Variants in PEBP4 observed in about 807,000 individuals in gnomAD.
PEBP4 encodes the protein phosphatidylethanolamine binding protein 4.
PEBP4 carries 22 observed loss-of-function variants against 23.9 expected under a neutral mutation model. That is an observed-to-expected ratio of 0.92 (90% CI 0.66 to 1.31). The LOEUF is 1.31. Among genes scored for constraint, PEBP4 ranks in the 40% most tolerant of loss-of-function variants. The probability of loss-of-function intolerance (pLI) is 0.00; values close to 1 mark genes in which losing one functional copy is unlikely to be tolerated. For missense variants in PEBP4, 324 were observed against 281.7 expected, an observed-to-expected ratio of 1.15 and a Z score of -1.07; for synonymous variants, 112 against 99.3, an observed-to-expected ratio of 1.13 and a Z score of -0.76.
At chr8:22,806,750 A>G (rs575016983) in intron 4 of PEBP4, among the ~76,000 whole-genome samples, 2 of 152,346 alleles carry the variant, frequency 1.3e-5, no homozygotes, top group East Asian at 3.9e-4. Context: ...TTAACAAGTC[A>G]CAAACTCCCA....
At chr8:22,812,355 T>G (rs1806649068) in intron 4 of PEBP4, among the ~76,000 whole-genome samples, 1 of 152,138 alleles carries the variant, frequency 6.6e-6, no homozygotes, top group Admixed American at 6.5e-5. Context: ...TGGAACCTCC[T>G]CTAGTTCATC....
At chr8:22,912,896 G>A (rs17088771) in intron 3 of PEBP4, among the ~76,000 whole-genome samples, 1 of 152,008 alleles carries the variant, frequency 6.6e-6, no homozygotes, top group African/African-American at 2.4e-5. Flanking sequence ...CCTGGGTGCT[G>A]CGCGCCCTCC....
At chr8:22,807,405 C>T (rs1806520343) in intron 4 of PEBP4, among the ~76,000 whole-genome samples, 1 of 152,094 alleles carries the variant, frequency 6.6e-6, no homozygotes, top group African/African-American at 2.4e-5. Flanking sequence ...GGAATCACTG[C>T]AGTTCTTCAA....
intron 3 of PEBP4, among the ~76,000 whole-genome samples, chr8:22,854,739 G>A (rs1457781117): frequency 4.6e-5 from 7 of 152,056 alleles, no homozygotes; most frequent in Non-Finnish European, 7.4e-5. Context: ...ACATTATAAC[G>A]TGTAATTATG....
intron 2 of PEBP4, among the ~76,000 whole-genome samples, chr8:22,926,475 G>T (rs1206049177): frequency 6.6e-6 from 1 of 152,004 alleles, no homozygotes; most frequent in African/African-American, 2.4e-5. Context: ...CTCTTGAGTA[G>T]CTGGGACGAC....
At chr8:22,940,947 G>T (rs187363969) in intron 1 of PEBP4, among the ~76,000 whole-genome samples, 2 of 152,278 alleles carry the variant, frequency 1.3e-5, no homozygotes, top group Non-Finnish European at 1.5e-5. Context: ...CTGTGGGAAG[G>T]TACACACCTT....
chr8:22,873,320 C>G (rs966575997), intron 3 of PEBP4, among the ~76,000 whole-genome samples: 1 of 152,162 alleles, frequency 6.6e-6, no homozygotes, highest in Non-Finnish European at 1.5e-5. Context: ...TTAAGTTCAC[C>G]AAGATAGCAT....
chr8:22,852,185 T>C (rs1387334380), intron 3 of PEBP4, among the ~76,000 whole-genome samples: 1 of 152,222 alleles, frequency 6.6e-6, no homozygotes, highest in East Asian at 1.9e-4. Flanking sequence ...ATGGACATTC[T>C]GTTGCTGGAG....
rs550806227 is a variant in PEBP4, at chr8:22,872,934, C to T, written c.258+47250G>A. On this transcript the variant is annotated intron_variant, in intron 3 of 6. Transcript: ENST00000256404. ...TCAGGTGATCCGCCCGCCTCGGCCTCCCAAACTGCTGGGATCACAGGTATG... is the reference window on the plus strand; with the variant it reads ...TCAGGTGATCCGCCCGCCTCGGCCTTCCAAACTGCTGGGATCACAGGTATG... 8.4e-4 allele frequency among the ~76,000 whole-genome samples: 128 copies of T among 152,304 alleles called. 1 individual carries two copies. The highest frequency in any genetic ancestry group is 3.0e-3 in the African/African-American group (124 of 41,548).
intron 4 of PEBP4, among the ~76,000 whole-genome samples, chr8:22,802,869 T>A (rs1333262711): frequency 6.6e-6 from 1 of 152,188 alleles, no homozygotes; most frequent in Non-Finnish European, 1.5e-5. Flanking sequence ...TATCAGAGCC[T>A]GGTGTTATCA....
intron 3 of PEBP4, among the ~76,000 whole-genome samples, chr8:22,862,517 G>C (rs1399564097): frequency 7.1e-6 from 1 of 141,032 alleles, no homozygotes; most frequent in Non-Finnish European, 1.6e-5. Flanking sequence ...GCCGGGAGAG[G>C]AGCTGGGAGT....
intron 3 of PEBP4, among the ~76,000 whole-genome samples, chr8:22,859,158 C>T (rs907476377): frequency 1.3e-5 from 2 of 152,170 alleles, no homozygotes; most frequent in African/African-American, 4.8e-5. Flanking sequence ...AGAAGCCCAG[C>T]CTATAAAGCA....
intron 4 of PEBP4, among the ~76,000 whole-genome samples, chr8:22,742,784 C>T (rs773953142): frequency 1.3e-5 from 2 of 152,074 alleles, no homozygotes; most frequent in South Asian, 2.1e-4. Flanking sequence ...TTTTCCACCC[C>T]GGTTCATACA....
At chr8:22,835,922 C>T (rs985649502) in intron 3 of PEBP4, among the ~76,000 whole-genome samples, 3 of 152,260 alleles carry the variant, frequency 2.0e-5, no homozygotes, top group African/African-American at 7.2e-5. Flanking sequence ...CTCCATCCTA[C>T]ATCCTGCCTC....
intron 3 of PEBP4, among the ~76,000 whole-genome samples, chr8:22,915,061 C>G (rs138814367): frequency 2.8e-3 from 419 of 152,106 alleles, no homozygotes; most frequent in African/African-American, 9.8e-3. Context: ...GTCATCTGGA[C>G]TCTCCCTCTC....
intron 4 of PEBP4, among the ~76,000 whole-genome samples, chr8:22,759,566 T>A (rs1805462402): frequency 6.6e-6 from 1 of 152,120 alleles, no homozygotes; most frequent in Admixed American, 6.5e-5. Flanking sequence ...GGGTGAGAAC[T>A]GGCTGGAGTC....
chr8:22,730,266 A>G (rs879664428), intron 4 of PEBP4, among the ~76,000 whole-genome samples: 3 of 152,216 alleles, frequency 2.0e-5, no homozygotes, highest in Non-Finnish European at 4.4e-5. Context: ...GCCAAGTGCA[A>G]CAGCTCACAC....
chr8:22,716,746 C>A (rs1804427434), intron 6 of PEBP4, among the ~76,000 whole-genome samples: 1 of 152,178 alleles, frequency 6.6e-6, no homozygotes, highest in Non-Finnish European at 1.5e-5. Flanking sequence ...ATCCAGCTTA[C>A]CCTGGCCCCC....
At chr8:22,912,244 A>G (rs1373924199) in intron 3 of PEBP4, among the ~76,000 whole-genome samples, 1 of 152,206 alleles carries the variant, frequency 6.6e-6, no homozygotes, top group Non-Finnish European at 1.5e-5. Context: ...TAAGTGTTTA[A>G]CAGACAAGTG....
Sources: gnomAD v4.1 joint callset for allele counts (sites outside exome capture counted in the v4.1 genomes callset) on GRCh38, gnomAD v4.1.1 for gene constraint, MANE v1.5 for transcripts, NCBI Gene and HGNC (gene_info 2026-07-23, HGNC 2026-07-21) for gene names.